ILKAP: variants seen among roughly 807,000 people sequenced by gnomAD.
ILKAP encodes integrin-linked kinase-associated serine/threonine phosphatase 2C.
A neutral mutation model predicts 49.1 loss-of-function variants in ILKAP; 11 were observed. The ratio of observed to expected loss-of-function variants is 0.22; its 90% CI spans 0.14 to 0.37. The LOEUF (loss-of-function observed/expected upper bound fraction) is 0.37. ILKAP is among the 10% of genes least tolerant of loss of function. ILKAP has a pLI of 1.00. For missense variants in ILKAP, 363 were observed against 510.8 expected (o/e 0.71, Z 2.79); for synonymous variants, 186 against 192.8 (o/e 0.96, Z 0.29).
At chr2:238,176,092 T>C (rs962026224) in intron 9 of ILKAP, among the ~76,000 whole-genome samples, 1 of 144,440 alleles carries the variant, frequency 6.9e-6, no homozygotes, top group African/African-American at 2.6e-5. Flanking sequence ...CTTCCCTCAG[T>C]TTCCCCCCCA....
intron 10 of ILKAP, among the ~76,000 whole-genome samples, chr2:238,173,278 C>G (rs1051227362): frequency 5.3e-5 from 8 of 152,180 alleles, no homozygotes; most frequent in Admixed American, 6.5e-5. Context: ...GGGATAACCC[C>G]TTCCCCTACT....
chr2:238,181,626 T>TG (rs36021985), intron 9 of ILKAP, among the ~76,000 whole-genome samples: 21,988 of 134,028 alleles, frequency 0.16, 2,200 homozygotes, highest in East Asian at 0.37. Flanking sequence ...TTTTTTTTGG[T>TG]TTTTTTTTTT....
chr2:238,185,340 T>C lies in ILKAP; in HGVS notation c.426-53A>G, dbSNP rs530344253. The C allele has an allele frequency of 1.1e-4, 128 of 1,172,536 alleles. No individual in the cohort carries two copies. In the African/African-American group the frequency reaches 1.8e-3, roughly 17 times the overall value. The allele number at this position is 1,172,536 out of a possible 1,614,324, so 72.6% of individuals were successfully genotyped here. On this transcript the variant is annotated intron_variant, in intron 5 of 11. Coordinates refer to ENST00000254654, the MANE Select transcript of ILKAP (RefSeq NM_030768.3). The stretch of plus-strand genomic sequence containing the variant: ...AATTCTCACAGCAAAAACCACACTT[T>C]TCCATTAAAGCTTTTAAATTTCGTC...
chr2:238,189,556 T>A, intron 4 of ILKAP: 1 of 199,738 alleles, frequency 5.0e-6, no homozygotes, highest in Non-Finnish European at 1.0e-5. Flanking sequence ...GACTAGGTGG[T>A]CAAAAAACTA....
intron 9 of ILKAP, among the ~76,000 whole-genome samples, chr2:238,180,591 G>T (rs1255073313): frequency 1.3e-5 from 2 of 152,066 alleles, no homozygotes; most frequent in Non-Finnish European, 2.9e-5. Flanking sequence ...GCCAGCCCTG[G>T]CCTCAGGCAG....
intron 9 of ILKAP, among the ~76,000 whole-genome samples, chr2:238,177,453 T>C (rs1207020238): frequency 6.6e-6 from 1 of 152,202 alleles, no homozygotes; most frequent in Non-Finnish European, 1.5e-5. Context: ...AGACTGAGAT[T>C]GTTCCCATTA....
chr2:238,194,840 A>T lies in ILKAP; in HGVS notation c.86T>A (p.Phe29Tyr). ...ACTGCTGGCCGGAGGGAGGTCATCA[A>T]AGAGCAGGGGTCCTTTCTGAGCTTC... ...GKEAQKGPLL[F>Y]DDLPPASSTD... Residue 29 changes from phenylalanine to tyrosine, a missense_variant, in exon 2 of 12, where the codon TTT becomes TAT. By Grantham distance (22) the Phe-to-Tyr change is conservative. Transcript: ENST00000254654. The T allele has an allele frequency of 6.2e-7, 1 of 1,614,162 alleles. No individual in the cohort carries two copies. Among genetic ancestry groups the T allele is most frequent in the Non-Finnish European group, 8.5e-7 (1 of 1,180,000 alleles).
chr2:238,197,856 C>A (rs982407776), intron 1 of ILKAP, among the ~76,000 whole-genome samples: 10 of 152,314 alleles, frequency 6.6e-5, no homozygotes, highest in South Asian at 2.1e-4. Flanking sequence ...GAGCTCCACA[C>A]ATCTTCTCAT....
chr2:238,189,707 G>T (rs1050340294), intron 4 of ILKAP, 146 bp downstream of exon 4: 1 of 639,202 alleles, frequency 1.6e-6, no homozygotes, highest in Admixed American at 3.1e-5. Flanking sequence ...GAGAAACTTG[G>T]AAATTCATTT....
chr2:238,203,094 C>G (rs1694641606), intron 1 of ILKAP, among the ~76,000 whole-genome samples: 1 of 151,620 alleles, frequency 6.6e-6, no homozygotes, highest in South Asian at 2.1e-4. Flanking sequence ...GCCCGGAAGC[C>G]GCGGGCGGGC....
chr2:238,183,068 A>C lies in ILKAP; in HGVS notation c.714+585T>G, dbSNP rs140640489. The stretch of plus-strand genomic sequence containing the variant: ...GGAACACATGGTCCTGATGCAGAGG[A>C]GGCAGGGTCTGCATCCAGCTTTCCG... On this transcript the variant is annotated intron_variant, in intron 8 of 11. Coordinates refer to ENST00000254654, the MANE Select transcript of ILKAP (RefSeq NM_030768.3). Among the ~76,000 whole-genome samples the C allele has an allele frequency of 6.8e-3, 1,039 of 152,274 alleles. 7 individuals carry two copies. The highest frequency in any genetic ancestry group is 0.024 in the African/African-American group (991 of 41,558).
chr2:238,184,512 TC>T (rs1693823935), intron 6 of ILKAP, among the ~76,000 whole-genome samples: 1 of 152,026 alleles, frequency 6.6e-6, no homozygotes, highest in Non-Finnish European at 1.5e-5. Context: ...TTTCTGCACA[TC>T]AATTGATTTT....
At chr2:238,172,711 C>G (rs1157051389) in intron 10 of ILKAP, among the ~76,000 whole-genome samples, 1 of 152,236 alleles carries the variant, frequency 6.6e-6, no homozygotes, top group Non-Finnish European at 1.5e-5. Flanking sequence ...GCTCTTCATC[C>G]GCAGCACTGG....
chr2:238,170,980 G>T lies in ILKAP; in HGVS notation c.1001C>A (p.Pro334Gln), dbSNP rs1693191228. ...ACDGLFKVFT[P>Q]EEAVNFILSC... ...CAAGATGAAGTTCACGGCTTCTTCTGGGGTAAAGACCTTGAAGAGCCCATC... is the reference window on the plus strand; with the variant it reads ...CAAGATGAAGTTCACGGCTTCTTCTTGGGTAAAGACCTTGAAGAGCCCATC... The change falls in exon 11 of 12, where the codon CCA becomes CAA. Residue 334 changes from proline (P) to glutamine (Q), a missense_variant. This residue lies in a region of ILKAP where 83 missense variants were observed against 87.5 expected (regional missense o/e 0.95). Transcript: ENST00000254654. 6.2e-7 allele frequency: 1 copy of T among 1,613,910 alleles called. No individual in the cohort carries two copies. Among genetic ancestry groups the T allele is most frequent in the Admixed American group, 1.7e-5 (1 of 60,006 alleles).
chr2:238,203,485 G>A lies in ILKAP; in HGVS notation c.55+14C>T, dbSNP rs1452269911. The stretch of plus-strand genomic sequence containing the variant: ...TCTCCCTTCCCTGGCCGGCCCGGCG[G>A]CAACGCCGCTTACCGGCAGCCGGGC... On this transcript the variant is annotated intron_variant, in intron 1 of 11. Coordinates refer to ENST00000254654, the MANE Select transcript of ILKAP (RefSeq NM_030768.3). The A allele has an allele frequency of 5.6e-6, 7 of 1,247,162 alleles. No homozygotes were observed. The highest frequency in any genetic ancestry group is 2.0e-5 in the South Asian group (1 of 50,910). 77.3% of individuals were successfully genotyped at this position (1,247,162 alleles called of 1,614,324 possible). A position where few individuals can be genotyped will look rare whatever the true frequency, so the allele number is the denominator to read the frequency against.
At position 238,195,164 on chromosome 2, in the gene ILKAP, T is replaced by C. The variant is rs77873713; in HGVS notation, c.56-294A>G. On this transcript the variant is annotated intron_variant, in intron 1 of 11. Transcript: ENST00000254654. ...AAGTATTTTCTTGATAATTTCATTA[T>C]TGAAAGCATGAAACATTTAAAAGTC... Among the ~76,000 whole-genome samples, 21,071 of 152,194 alleles carry C rather than the reference T, an allele frequency of 0.14. 1,747 individuals are homozygous for C. Among genetic ancestry groups the C allele is most frequent in the Middle Eastern group, 0.22 (65 of 294 alleles).
chr2:238,182,451 C>T (rs577242576), intron 8 of ILKAP, among the ~76,000 whole-genome samples: 2 of 152,196 alleles, frequency 1.3e-5, no homozygotes, highest in Non-Finnish European at 2.9e-5. Context: ...CAAGTGCTCA[C>T]TCTGGCTGTT....
chr2:238,178,638 C>CACT (rs1189777014), intron 9 of ILKAP, among the ~76,000 whole-genome samples: 1 of 152,100 alleles, frequency 6.6e-6, no homozygotes, highest in Non-Finnish European at 1.5e-5. Flanking sequence ...TAAGAAATAG[C>CACT]ACTCCAAGCT....
At chr2:238,185,856 G>A (rs1055554528) in intron 5 of ILKAP, 5 of 151,780 alleles carry the variant, frequency 3.3e-5, no homozygotes, top group African/African-American at 9.7e-5. Flanking sequence ...AGTGTTTCTG[G>A]TGAAGACTGC....
Sources: allele counts gnomAD v4.1 joint callset (sites outside exome capture counted in the v4.1 genomes callset), GRCh38; gene constraint gnomAD v4.1.1; regional missense constraint gnomAD v4.1.1; transcripts MANE v1.5; gene names NCBI Gene and HGNC (gene_info 2026-07-23, HGNC 2026-07-21).